The following RIT1 variants were observed in gnomAD, a reference collection of about 807,000 sequenced individuals.
RIT1 encodes the protein GTP-binding protein Rit1.
RIT1 carries 6 observed loss-of-function variants against 25.6 expected under a neutral mutation model. The observed-to-expected ratio is 0.23, with a 90% confidence interval of 0.13 to 0.46. The LOEUF (loss-of-function observed/expected upper bound fraction) is 0.46. Ranked by LOEUF, RIT1 falls within the 20% of genes least tolerant of loss-of-function variation. The probability of loss-of-function intolerance (pLI) is 0.99; values close to 1 mark genes in which losing one functional copy is unlikely to be tolerated. For missense variants in RIT1, 219 were observed against 284.4 expected (o/e 0.77, Z 1.65); for synonymous variants, 81 against 94.1 (o/e 0.86, Z 0.80).
Position 155,910,790 on chromosome 1 carries a change from C to G in RIT1, c.-29G>C. On this transcript the variant is annotated 5_prime_UTR_variant, in exon 2 of 6. Transcript: ENST00000368323. ...CCTCTTGGGGCCTTCCTCGGTTGCCCCGAGGAAAAGCCACCTAGAAAAGGA... is the reference window on the plus strand; with the variant it reads ...CCTCTTGGGGCCTTCCTCGGTTGCCGCGAGGAAAAGCCACCTAGAAAAGGA... 3 of 1,614,136 alleles carry G rather than the reference C, an allele frequency of 1.9e-6. No homozygotes were observed. Among genetic ancestry groups the G allele is most frequent in the Non-Finnish European group, 2.5e-6 (3 of 1,180,016 alleles).
intron 2 of RIT1, 28 bp from the exon 3 acceptor site, chr1:155,910,534 C>T: frequency 1.9e-6 from 3 of 1,613,152 alleles, no homozygotes; most frequent in South Asian, 1.1e-5. Flanking sequence ...AAAGTCAAAT[C>T]CTCACAAAGG....
chr1:155,900,332 C>T lies in RIT1; in HGVS notation c.*56G>A, dbSNP rs185942596. The T allele has an allele frequency of 2.3e-6, 3 of 1,284,908 alleles. No individual in the cohort carries two copies. Among genetic ancestry groups the T allele is most frequent in the African/African-American group, 1.5e-5 (1 of 68,438 alleles). 79.6% of individuals were successfully genotyped at this position (1,284,908 alleles called of 1,614,324 possible). ...GCACCATACTCAGTACTGCAGGTTA[C>T]TGGACTGCTTTGATACAGCACTGCA... On this transcript the variant is annotated 3_prime_UTR_variant, in exon 6 of 6. Coordinates refer to ENST00000368323, the MANE Select transcript of RIT1 (RefSeq NM_006912.6).
intron 1 of RIT1, 126 bp downstream of exon 1, chr1:155,911,117 C>A (rs1164616088): frequency 3.4e-6 from 2 of 592,816 alleles, no homozygotes; most frequent in African/African-American, 1.9e-5. Context: ...AGGGATGCGG[C>A]CCCTTAGGCC....
intron 5 of RIT1, among the ~76,000 whole-genome samples, chr1:155,903,377 C>T (rs1461539520): frequency 1.4e-5 from 2 of 141,672 alleles, no homozygotes; most frequent in Non-Finnish European, 3.0e-5. Context: ...CACTTGAACC[C>T]AGGAGGAGGA....
chr1:155,904,029 G>C (rs1028805613), intron 5 of RIT1, among the ~76,000 whole-genome samples: 18 of 152,168 alleles, frequency 1.2e-4, no homozygotes, highest in African/African-American at 4.1e-4. Flanking sequence ...CTCCCAACTA[G>C]CTGGGACCAC....
In RIT1 at chr1:155,911,070, C is replaced by T. The variant is rs6427293; in HGVS notation, c.-44+173G>A. On this transcript the variant is annotated intron_variant, in intron 1 of 5. Transcript: ENST00000368323. The stretch of plus-strand genomic sequence containing the variant: ...AAAAGATACAAATAAATTTACGTCT[C>T]GGCACAGTAGGGACAAGGAGAAAGT... Among the ~76,000 whole-genome samples the T allele has an allele frequency of 1.8e-3, 281 of 152,330 alleles. 1 individual carries two copies. Among genetic ancestry groups the T allele is most frequent in the African/African-American group, 6.5e-3 (269 of 41,556 alleles).
At chr1:155,903,251 G>A (rs1673352432) in intron 5 of RIT1, among the ~76,000 whole-genome samples, 1 of 151,650 alleles carries the variant, frequency 6.6e-6, no homozygotes, top group African/African-American at 2.4e-5. Context: ...AGCAGAGATC[G>A]TGCCACTGCA....
At chr1:155,905,384 G>A (rs778258498) in intron 3 of RIT1, among the ~76,000 whole-genome samples, 22 of 151,908 alleles carry the variant, frequency 1.4e-4, no homozygotes, top group Non-Finnish European at 3.1e-4. Context: ...ATTTTTGGTA[G>A]ACATAGGATT....
At position 155,898,516 on chromosome 1, in the gene RIT1, AAAATATATATATAT is replaced by A. The variant is rs1478244142; in HGVS notation, c.*1858_*1871del. 2 of 73,640 alleles carry A rather than the reference AAAATATATATATAT, an allele frequency of 2.7e-5. No homozygotes were observed. Among genetic ancestry groups the A allele is most frequent in the African/African-American group, 9.7e-5 (2 of 20,668 alleles). The allele number at this position is 73,640 out of a possible 1,614,324, so 4.6% of individuals were successfully genotyped here. A position where few individuals can be genotyped will look rare whatever the true frequency, so the allele number is the denominator to read the frequency against. On this transcript the variant is annotated 3_prime_UTR_variant, in exon 6 of 6. Transcript: ENST00000368323. ...TTAAAAAAAAAAAAAAAAAAAAAAA[AAAATATATATATAT>A]ATATATATATATATCTCTTAATGTT...
chr1:155,900,884 T>C (rs938718305), intron 5 of RIT1, among the ~76,000 whole-genome samples: 6 of 152,222 alleles, frequency 3.9e-5, no homozygotes, highest in African/African-American at 7.2e-5. Flanking sequence ...AATGGCATGA[T>C]TGTGGCTCAC....
rs1202897636 is a variant in RIT1 at position 155,898,805 on chromosome 1, AG to A, written c.*1582del. The A allele has an allele frequency of 1.0e-5, 2 of 191,306 alleles. No individual in the cohort carries two copies. The highest frequency in any genetic ancestry group is 2.2e-5 in the Non-Finnish European group (2 of 91,338). 11.9% of individuals were successfully genotyped at this position (191,306 alleles called of 1,614,324 possible). On this transcript the variant is annotated 3_prime_UTR_variant, in exon 6 of 6. Coordinates refer to ENST00000368323, the MANE Select transcript of RIT1 (RefSeq NM_006912.6). The stretch of plus-strand genomic sequence containing the variant: ...TTTATTTGGTAACAAAAATGTTTCC[AG>A]GAGTTTAAAAAGGGACCACTACTCA...
chr1:155,905,400 A>G (rs1045338041), intron 3 of RIT1, among the ~76,000 whole-genome samples: 2 of 151,856 alleles, frequency 1.3e-5, no homozygotes, highest in African/African-American at 4.8e-5. Context: ...GGATTTTGCA[A>G]TGTTGTCCAG....
rs397808743 is a variant in RIT1, at chr1:155,899,644, TAAA to T, written c.*741_*743del. The T allele has an allele frequency of 9.6e-6, 2 of 207,916 alleles. No individual in the cohort carries two copies. Among genetic ancestry groups the T allele is most frequent in the East Asian group, 7.3e-5 (1 of 13,716 alleles). 12.9% of individuals were successfully genotyped at this position (207,916 alleles called of 1,614,324 possible). On this transcript the variant is annotated 3_prime_UTR_variant, in exon 6 of 6. Transcript: ENST00000368323. The stretch of plus-strand genomic sequence containing the variant: ...TTCCCAAAATGTCTACCTTTGAAGG[TAAA>T]AAAAAAAAGAAAACCCTGAAATGAA...
Position 155,900,543 on chromosome 1 carries a change from A to G in RIT1, c.505T>C (p.Tyr169His). Reference sequence around the variant, plus strand: ...GCATGGAAAACATCATCAATATAGTAGCGGTATGCAGCAGATGTCTCAAAA... The same window carrying G: ...GCATGGAAAACATCATCAATATAGTGGCGGTATGCAGCAGATGTCTCAAAA... Reference protein sequence around the residue: ...PFFETSAAYRYYIDDVFHALV... With the variant: ...PFFETSAAYRHYIDDVFHALV... Residue 169 changes from tyrosine to histidine, a missense_variant, in exon 6 of 6, where the codon TAC (tyrosine) becomes CAC (histidine). This residue lies in a region of RIT1 where 81 missense variants were observed against 83.8 expected (regional missense o/e 0.97). Coordinates refer to ENST00000368323, the MANE Select transcript of RIT1 (RefSeq NM_006912.6). 1.2e-6 allele frequency: 2 copies of G among 1,614,168 alleles called. No homozygotes were observed. The highest frequency in any genetic ancestry group is 1.7e-6 in the Non-Finnish European group (2 of 1,180,024).
At position 155,899,567 on chromosome 1, in the gene RIT1, G is replaced by A; in HGVS notation, c.*821C>T. On this transcript the variant is annotated 3_prime_UTR_variant, in exon 6 of 6. Transcript: ENST00000368323. ...AAAAAATAAACCTGTACAAGGCAATGGCTGATCCAACTATGAATTTTGATT... is the reference window on the plus strand; with the variant it reads ...AAAAAATAAACCTGTACAAGGCAATAGCTGATCCAACTATGAATTTTGATT... The A allele has an allele frequency of 4.4e-6, 1 of 225,678 alleles. No homozygotes were observed. The allele number at this position is 225,678 out of a possible 1,614,324, so 14.0% of individuals were successfully genotyped here.
At chr1:155,904,273 T>C (rs1372750407) in intron 5 of RIT1, 38 bp downstream of exon 5, 2 of 1,409,042 alleles carry the variant, frequency 1.4e-6, no homozygotes, top group Admixed American at 1.9e-5. Context: ...TGACTAATTG[T>C]ATAAGATTAT....
chr1:155,900,311 C>T lies in RIT1; in HGVS notation c.*77G>A. ...ATCAGTTAAGTGAAAGAGCAAGCAC[C>T]ATACTCAGTACTGCAGGTTACTGGA... On this transcript the variant is annotated 3_prime_UTR_variant, in exon 6 of 6. Coordinates refer to ENST00000368323, the MANE Select transcript of RIT1 (RefSeq NM_006912.6). 1 of 996,468 alleles carries T rather than the reference C, an allele frequency of 1.0e-6. No homozygotes were observed. Among genetic ancestry groups the T allele is most frequent in the Non-Finnish European group, 1.6e-6 (1 of 642,082 alleles). 61.7% of individuals were successfully genotyped at this position (996,468 alleles called of 1,614,324 possible).
chr1:155,904,503 C>CT lies in RIT1; in HGVS notation c.238-2dup, dbSNP rs1298539810. The CT allele has an allele frequency of 3.1e-6, 5 of 1,609,986 alleles. 1 individual carries two copies. In the East Asian group the frequency reaches 8.9e-5, roughly 29 times the overall value. On this transcript the variant is annotated splice_acceptor_variant, in intron 4 of 5. Transcript: ENST00000368323. LOFTEE classifies it high-confidence loss of function. ...GGTCCCGCATGGCTGTAAACTCTGCCTAGAGGGAAACAAGGGTCATTATGT... is the reference window on the plus strand; with the variant it reads ...GGTCCCGCATGGCTGTAAACTCTGCCTTAGAGGGAAACAAGGGTCATTATGT...
intron 3 of RIT1, among the ~76,000 whole-genome samples, chr1:155,906,891 C>T (rs528865548): frequency 2.1e-4 from 32 of 151,862 alleles, no homozygotes; most frequent in Middle Eastern, 3.4e-3. Context: ...GGATCACTTG[C>T]GCTCAGGAGT....
Sources: gnomAD v4.1 joint callset for allele counts (sites outside exome capture counted in the v4.1 genomes callset) on GRCh38, gnomAD v4.1.1 for gene constraint, gnomAD v4.1.1 regional missense constraint, MANE v1.5 for transcripts, NCBI Gene and HGNC (gene_info 2026-07-23, HGNC 2026-07-21) for gene names.